NBAS: variants seen among roughly 807,000 people sequenced by gnomAD.
The protein encoded by NBAS is NBAS subunit of NRZ tethering complex, also known as NAG/BC035112 fusion.
NBAS carries 219 observed loss-of-function variants against 302.5 expected under a neutral mutation model. The observed-to-expected ratio is 0.72, with a 90% CI of 0.65 to 0.81. The LOEUF (loss-of-function observed/expected upper bound fraction) is 0.81, where lower values mean the gene tolerates loss of function less well. Ranked by LOEUF, NBAS falls within the 30% of genes least tolerant of loss-of-function variation. The probability of loss-of-function intolerance (pLI) is 0.00; values close to 1 mark genes in which losing one functional copy is unlikely to be tolerated. For synonymous variants in NBAS, 1,118 were observed against 1,021.6 expected (o/e 1.09, Z -1.80); for missense variants, 2,932 against 2,841.6 (o/e 1.03, Z -0.72).
At chr2:14,910,046 T>C in the NBAS span, among the ~76,000 whole-genome samples, 1 of 152,204 alleles carries the variant, frequency 6.6e-6, no homozygotes, top group Admixed American at 6.5e-5. Flanking sequence ...CTGGAGACTT[T>C]CATCTCCACA....
At chr2:15,102,207 G>C in the NBAS span, among the ~76,000 whole-genome samples, 1 of 152,292 alleles carries the variant, frequency 6.6e-6, no homozygotes, top group African/African-American at 2.4e-5. Context: ...CATGAGAGAA[G>C]ACGCAAGGTC....
At chr2:15,368,115 A>ACCAT (rs1674302040) in intron 31 of NBAS, among the ~76,000 whole-genome samples, 1 of 151,916 alleles carries the variant, frequency 6.6e-6, no homozygotes, top group South Asian at 2.1e-4. Flanking sequence ...TTTTTTCTGA[A>ACCAT]CCATTTGAGA....
At chr2:14,781,859 G>A in the NBAS span, among the ~76,000 whole-genome samples, 2 of 151,900 alleles carry the variant, frequency 1.3e-5, no homozygotes, top group South Asian at 2.1e-4. Flanking sequence ...GCTTGCTCTT[G>A]AAATTCTCCC....
intron 6 of NBAS, among the ~76,000 whole-genome samples, 153 bp downstream of exon 6, chr2:15,551,340 T>A (rs201948080): frequency 2.1e-5 from 3 of 143,224 alleles, no homozygotes; most frequent in Non-Finnish European, 1.5e-5. Flanking sequence ...TTTAAGACAG[T>A]AAAAAAAAAA....
chr2:15,351,588 G>T (rs143822528), intron 35 of NBAS, among the ~76,000 whole-genome samples: 1 of 152,032 alleles, frequency 6.6e-6, no homozygotes, highest in East Asian at 1.9e-4. Context: ...TGAGGCAGGG[G>T]AATTGCTTGA....
At chr2:15,521,547 T>A (rs1024106749) in intron 9 of NBAS, among the ~76,000 whole-genome samples, 1 of 152,186 alleles carries the variant, frequency 6.6e-6, no homozygotes, top group Non-Finnish European at 1.5e-5. Flanking sequence ...TTCATGGAAC[T>A]TACATTCTAG....
chr2:14,948,820 A>G, the NBAS span, among the ~76,000 whole-genome samples: 1 of 152,174 alleles, frequency 6.6e-6, no homozygotes, highest in East Asian at 1.9e-4. Flanking sequence ...GAGGCATCAC[A>G]TCTTTACTGC....
intron 2 of NBAS, among the ~76,000 whole-genome samples, chr2:15,557,606 T>C (rs999281427): frequency 4.6e-5 from 7 of 152,208 alleles, no homozygotes; most frequent in African/African-American, 1.7e-4. Flanking sequence ...AATCAGAAGA[T>C]TACAGTTAAT....
At chr2:15,335,052 A>G (rs1021933825) in intron 35 of NBAS, among the ~76,000 whole-genome samples, 1 of 152,102 alleles carries the variant, frequency 6.6e-6, no homozygotes, top group Non-Finnish European at 1.5e-5. Context: ...TTTTAAGAGT[A>G]GTTAAAGACT....
chr2:15,358,665 G>A (rs1673745168), intron 32 of NBAS, among the ~76,000 whole-genome samples: 1 of 152,020 alleles, frequency 6.6e-6, no homozygotes, highest in African/African-American at 2.4e-5. Context: ...GGCCAGTCTT[G>A]AACTCCTGGA....
intron 6 of NBAS, among the ~76,000 whole-genome samples, chr2:15,544,796 G>A (rs191644400): frequency 1.3e-5 from 2 of 152,136 alleles, no homozygotes; most frequent in Non-Finnish European, 2.9e-5. Context: ...TGGATAACGA[G>A]GTCAGGAGTT....
chr2:14,909,314 C>T, the NBAS span, among the ~76,000 whole-genome samples: 10 of 101,546 alleles, frequency 9.8e-5, no homozygotes, highest in South Asian at 1.1e-3. Flanking sequence ...AGCGAGACTC[C>T]GTCTCAAAAA....
At chr2:15,339,606 C>T (rs577663157) in intron 35 of NBAS, among the ~76,000 whole-genome samples, 1 of 152,058 alleles carries the variant, frequency 6.6e-6, no homozygotes, top group Non-Finnish European at 1.5e-5. Context: ...AACTTACAAT[C>T]CAGTAAAAGA....
At chr2:15,235,334 AC>A (rs1667545918) in intron 45 of NBAS, among the ~76,000 whole-genome samples, 1 of 152,180 alleles carries the variant, frequency 6.6e-6, no homozygotes, top group Non-Finnish European at 1.5e-5. Context: ...TAAGATTAGA[AC>A]CCAAAAGTCT....
chr2:15,029,191 A>C, the NBAS span, among the ~76,000 whole-genome samples: 246 of 152,354 alleles, frequency 1.6e-3, 2 homozygotes, highest in African/African-American at 5.7e-3. Context: ...TTGATTTTAA[A>C]ATATAGCTTT....
At chr2:15,526,868 A>G (rs1166977204) in intron 9 of NBAS, among the ~76,000 whole-genome samples, 3 of 152,240 alleles carry the variant, frequency 2.0e-5, no homozygotes, top group South Asian at 2.1e-4. Flanking sequence ...CTTAAAAGTA[A>G]TAAGTATAAT....
At chr2:15,371,894 T>C (rs1338550325) in intron 31 of NBAS, among the ~76,000 whole-genome samples, 4 of 152,228 alleles carry the variant, frequency 2.6e-5, no homozygotes, top group Non-Finnish European at 5.9e-5. Context: ...AAGACTACAC[T>C]AATTCTATGA....
intron 21 of NBAS, among the ~76,000 whole-genome samples, chr2:15,430,944 C>T (rs1261909512): frequency 6.6e-6 from 1 of 151,898 alleles, no homozygotes; most frequent in Non-Finnish European, 1.5e-5. Flanking sequence ...GTAGCTGGGA[C>T]TACAGGTGCC....
chr2:15,535,841 G>A (rs938686837), intron 8 of NBAS, among the ~76,000 whole-genome samples: 17 of 152,186 alleles, frequency 1.1e-4, no homozygotes, highest in South Asian at 2.1e-4. Flanking sequence ...TTCCATTAAC[G>A]TAAACTATTA....
Sources: allele counts gnomAD v4.1 joint callset (sites outside exome capture counted in the v4.1 genomes callset), GRCh38; gene constraint gnomAD v4.1.1; transcripts MANE v1.5; gene names NCBI Gene and HGNC (gene_info 2026-07-23, HGNC 2026-07-21).